GRXCR1: variants seen among roughly 807,000 people sequenced by gnomAD.
The protein encoded by GRXCR1 is glutaredoxin domain-containing cysteine-rich protein 1.
Under a neutral mutation model 27.3 loss-of-function variants are expected in GRXCR1, and 27 were observed. The ratio of observed to expected loss-of-function variants is 0.99; its 90% CI spans 0.73 to 1.37. The LOEUF is 1.37. Among genes scored for constraint, GRXCR1 ranks in the 40% most tolerant of loss-of-function variants. GRXCR1 has a pLI of 0.00. For missense variants in GRXCR1, 379 were observed against 354.4 expected, an observed-to-expected ratio of 1.07 and a Z score of -0.56; for synonymous variants, 122 against 131.1, an observed-to-expected ratio of 0.93 and a Z score of 0.47.
At chr4:42,913,884 T>A (rs1226113354) in intron 1 of GRXCR1, among the ~76,000 whole-genome samples, 1 of 152,182 alleles carries the variant, frequency 6.6e-6, no homozygotes, top group Non-Finnish European at 1.5e-5. Context: ...GGGGTCAATG[T>A]ATAGCTCACA....
chr4:42,936,719 T>C (rs1299508809), intron 1 of GRXCR1, among the ~76,000 whole-genome samples: 3 of 151,912 alleles, frequency 2.0e-5, no homozygotes, highest in African/African-American at 7.2e-5. Flanking sequence ...TTTGGTGATC[T>C]TGATAGTCGT....
intron 3 of GRXCR1, among the ~76,000 whole-genome samples, chr4:43,020,819 T>C (rs994719549): frequency 2.0e-5 from 3 of 152,230 alleles, no homozygotes; most frequent in East Asian, 3.8e-4. Flanking sequence ...AAAGAAAAAC[T>C]TGTGTCTCCA....
intron 2 of GRXCR1, among the ~76,000 whole-genome samples, chr4:43,002,727 C>G (rs747870377): frequency 6.6e-6 from 1 of 151,508 alleles, no homozygotes; most frequent in Non-Finnish European, 1.5e-5. Flanking sequence ...TTTCCTTCTT[C>G]CTGTACCCTT....
At chr4:42,987,222 T>TATATATATTATATATA (rs369022273) in intron 2 of GRXCR1, among the ~76,000 whole-genome samples, 9 of 100,574 alleles carry the variant, frequency 8.9e-5, no homozygotes, top group South Asian at 3.2e-4. Context: ...TATATATATA[T>TATATATATTATATATA]TATATATTAT....
chr4:43,030,632 T>G lies in GRXCR1; in HGVS notation c.*92T>G. 2.0e-6 allele frequency: 2 copies of G among 1,009,806 alleles called. No individual in the cohort carries two copies. Among genetic ancestry groups the G allele is most frequent in the Non-Finnish European group, 3.0e-6 (2 of 660,838 alleles). The allele number at this position is 1,009,806 out of a possible 1,614,324, so 62.6% of individuals were successfully genotyped here. A position where few individuals can be genotyped will look rare whatever the true frequency, so the allele number is the denominator to read the frequency against. On this transcript the variant is annotated 3_prime_UTR_variant, in exon 4 of 4. Coordinates refer to ENST00000399770, the MANE Select transcript of GRXCR1 (RefSeq NM_001080476.3). ...ATTTTTAAATGGTTATGTTTATGGA[T>G]TAATCAATAAACTTTGTTTATTATA... is the stretch of plus-strand genomic sequence containing the variant.
At chr4:42,931,107 C>A (rs1390778010) in intron 1 of GRXCR1, among the ~76,000 whole-genome samples, 1 of 151,652 alleles carries the variant, frequency 6.6e-6, no homozygotes, top group Admixed American at 6.6e-5. Context: ...GGTATAAATA[C>A]TCCTTCTCTC....
intron 1 of GRXCR1, among the ~76,000 whole-genome samples, chr4:42,960,024 G>A (rs75005889): frequency 0.018 from 2,699 of 151,980 alleles, 56 homozygotes; most frequent in African/African-American, 0.048. Flanking sequence ...GACATCCAAC[G>A]TGGCTACCCG....
intron 2 of GRXCR1, among the ~76,000 whole-genome samples, chr4:42,995,916 T>A (rs1252981296): frequency 9.9e-5 from 15 of 152,170 alleles, no homozygotes; most frequent in Admixed American, 9.8e-4. Flanking sequence ...GTGTACTTGC[T>A]CAGGACTGAT....
chr4:43,023,299 C>T (rs917081026), intron 3 of GRXCR1, among the ~76,000 whole-genome samples: 2 of 152,274 alleles, frequency 1.3e-5, no homozygotes, highest in African/African-American at 4.8e-5. Context: ...TCCTGGTCCT[C>T]ATAATTCAGG....
intron 3 of GRXCR1, among the ~76,000 whole-genome samples, chr4:43,025,971 G>T (rs1339579090): frequency 1.5e-5 from 2 of 129,448 alleles, no homozygotes; most frequent in Non-Finnish European, 1.6e-5. Flanking sequence ...GCGAAACTCC[G>T]TCTCAAAAAA....
rs145339913 is a variant in GRXCR1, at chr4:42,916,047, A to C, written c.384+22397A>C. Among the ~76,000 whole-genome samples the C allele has an allele frequency of 1.6e-3, 247 of 152,032 alleles. 2 individuals carry two copies. The highest frequency in any genetic ancestry group is 5.7e-3 in the African/African-American group (237 of 41,482). On this transcript the variant is annotated intron_variant, in intron 1 of 3. Coordinates refer to ENST00000399770, the MANE Select transcript of GRXCR1 (RefSeq NM_001080476.3). Reference sequence around the variant, plus strand: ...AATCTAGTATAAGAATAGAACAAAAAATTCCGTATGTTTGAAGATTCAAGA... The same window carrying C: ...AATCTAGTATAAGAATAGAACAAAACATTCCGTATGTTTGAAGATTCAAGA...
intron 2 of GRXCR1, among the ~76,000 whole-genome samples, chr4:42,976,272 A>G (rs1489700528): frequency 6.6e-6 from 1 of 152,040 alleles, no homozygotes; most frequent in East Asian, 1.9e-4. Context: ...AATCTGGTAA[A>G]AAGCTTGAGG....
At chr4:43,000,746 G>A (rs927335007) in intron 2 of GRXCR1, among the ~76,000 whole-genome samples, 2 of 151,838 alleles carry the variant, frequency 1.3e-5, no homozygotes, top group Non-Finnish European at 2.9e-5. Flanking sequence ...TCCACGAGGG[G>A]GTCCTGAAAT....
intron 1 of GRXCR1, among the ~76,000 whole-genome samples, chr4:42,919,098 A>G (rs1004936568): frequency 6.6e-6 from 1 of 152,200 alleles, no homozygotes; most frequent in Admixed American, 6.5e-5. Context: ...AATATTTAAA[A>G]TCAAGATATT....
At chr4:43,005,154 C>T (rs1485911182) in intron 2 of GRXCR1, among the ~76,000 whole-genome samples, 1 of 152,188 alleles carries the variant, frequency 6.6e-6, no homozygotes, top group Non-Finnish European at 1.5e-5. Context: ...CCCCCTCACT[C>T]TCTTTTTCCT....
At chr4:43,004,099 C>G (rs1577940968) in intron 2 of GRXCR1, among the ~76,000 whole-genome samples, 2 of 152,326 alleles carry the variant, frequency 1.3e-5, no homozygotes, top group South Asian at 2.1e-4. Flanking sequence ...TGGGACATGG[C>G]ACCCTGCATC....
Position 43,005,955 on chromosome 4 carries a change from C to T in GRXCR1, c.628-14399C>T, listed in dbSNP as rs541808167. On this transcript the variant is annotated intron_variant, in intron 2 of 3. Coordinates refer to ENST00000399770, the MANE Select transcript of GRXCR1 (RefSeq NM_001080476.3). Reference sequence around the variant, plus strand: ...AGTCAGGGACCCCAAATGGAGGGACCGGCTGAAGCCATGGCAGAAGAATGT... The same window carrying T: ...AGTCAGGGACCCCAAATGGAGGGACTGGCTGAAGCCATGGCAGAAGAATGT... 2.6e-4 allele frequency among the ~76,000 whole-genome samples: 39 copies of T among 152,206 alleles called. 3 individuals carry two copies. The highest frequency in any genetic ancestry group is 1.9e-3 in the South Asian group (9 of 4,820).
intron 1 of GRXCR1, among the ~76,000 whole-genome samples, chr4:42,907,121 C>A (rs184591315): frequency 6.6e-6 from 1 of 152,144 alleles, no homozygotes; most frequent in South Asian, 2.1e-4. Context: ...TAGAAGCCAG[C>A]GCCAGCCCAG....
intron 1 of GRXCR1, among the ~76,000 whole-genome samples, chr4:42,923,375 C>A (rs1003995898): frequency 1.3e-5 from 2 of 152,124 alleles, no homozygotes; most frequent in African/African-American, 4.8e-5. Context: ...TGGCTTACAA[C>A]CTCAGTAGTC....
Sources: allele counts gnomAD v4.1 joint callset (sites outside exome capture counted in the v4.1 genomes callset), GRCh38; gene constraint gnomAD v4.1.1; transcripts MANE v1.5; gene names NCBI Gene and HGNC (gene_info 2026-07-23, HGNC 2026-07-21).